ITGA9: variants seen among roughly 807,000 people sequenced by gnomAD.
ITGA9 encodes the protein integrin alpha-9.
Under a neutral mutation model 127.8 loss-of-function variants are expected in ITGA9, and 56 were observed. The observed-to-expected ratio is 0.44, with a 90% CI of 0.35 to 0.55. ITGA9 has a LOEUF of 0.55. Ranked by LOEUF, ITGA9 falls within the 20% of genes least tolerant of loss-of-function variation. ITGA9 has a pLI of 0.00. For synonymous variants in ITGA9, 508 were observed against 514.5 expected (o/e 0.99, Z 0.17); for missense variants, 1,196 against 1,347.1 (o/e 0.89, Z 1.76).
At chr3:37,694,959 C>G (rs985508393) in intron 18 of ITGA9, among the ~76,000 whole-genome samples, 4 of 152,102 alleles carry the variant, frequency 2.6e-5, no homozygotes, top group African/African-American at 9.7e-5. Flanking sequence ...GATGTGTTTC[C>G]GGGGGAAGAC....
chr3:37,615,823 C>G (rs1700068738), intron 15 of ITGA9, among the ~76,000 whole-genome samples: 1 of 151,826 alleles, frequency 6.6e-6, no homozygotes, highest in South Asian at 2.1e-4. Context: ...TCCCCTTTAT[C>G]ATTTTTTATT....
chr3:37,504,989 A>G (rs1428084513), intron 6 of ITGA9, among the ~76,000 whole-genome samples: 1 of 152,212 alleles, frequency 6.6e-6, no homozygotes, highest in Non-Finnish European at 1.5e-5. Flanking sequence ...GGAGACGTTG[A>G]GGCTAAGCCT....
chr3:37,784,353 C>CT (rs1697013594), intron 25 of ITGA9, among the ~76,000 whole-genome samples: 2 of 152,198 alleles, frequency 1.3e-5, no homozygotes, highest in Non-Finnish European at 2.9e-5. Context: ...CTGCCTCTGG[C>CT]TGGGGGGTGA....
chr3:37,482,375 A>T (rs1175245394), intron 4 of ITGA9, among the ~76,000 whole-genome samples: 1 of 152,218 alleles, frequency 6.6e-6, no homozygotes, highest in Non-Finnish European at 1.5e-5. Flanking sequence ...ATAGTGATTG[A>T]GTCAGTCACT....
intron 15 of ITGA9, among the ~76,000 whole-genome samples, chr3:37,619,978 CT>C (rs1700112020): frequency 6.6e-6 from 1 of 152,222 alleles, no homozygotes; most frequent in Non-Finnish European, 1.5e-5. Flanking sequence ...CTATTCCTCC[CT>C]GTGAAAGGGG....
chr3:37,779,788 T>A (rs966457110), intron 24 of ITGA9, 114 bp from the exon 25 acceptor site: 3 of 994,998 alleles, frequency 3.0e-6, no homozygotes, highest in Non-Finnish European at 4.7e-6. Flanking sequence ...GTGGATTTCC[T>A]CTGCCTGGAA....
chr3:37,765,355 T>C (rs1696768208), intron 23 of ITGA9, among the ~76,000 whole-genome samples: 1 of 152,166 alleles, frequency 6.6e-6, no homozygotes, highest in Non-Finnish European at 1.5e-5. Context: ...TTAGAGCAAA[T>C]TTAAACTCTA....
rs759937611 is a variant in ITGA9 at position 37,503,274 on chromosome 3, G to A, written c.709G>A (p.Glu237Lys). 9.3e-6 allele frequency: 15 copies of A among 1,613,992 alleles called. No homozygotes were observed. Among genetic ancestry groups the A allele is most frequent in the South Asian group, 3.3e-5 (3 of 91,080 alleles). The change falls in exon 6 of 28, where the codon GAA becomes AAA. Residue 237 changes from glutamate to lysine, a missense_variant. Coordinates refer to ENST00000264741, the MANE Select transcript of ITGA9 (RefSeq NM_002207.3). ...TDNTYLKLND[E>K]VIMNRRYTYL... ...CAACACCTATTTAAAACTGAACGAC[G>A]AAGTGATCATGAACAGGCGGTACAC...
intron 16 of ITGA9, among the ~76,000 whole-genome samples, 186 bp from the exon 17 acceptor site, chr3:37,653,528 T>C (rs1700448093): frequency 6.6e-6 from 1 of 152,130 alleles, no homozygotes; most frequent in Non-Finnish European, 1.5e-5. Context: ...ACAGTTGACT[T>C]AGGCTTCCTT....
At chr3:37,545,250 C>T (rs965098989) in intron 15 of ITGA9, among the ~76,000 whole-genome samples, 8 of 152,238 alleles carry the variant, frequency 5.3e-5, no homozygotes, top group Non-Finnish European at 1.0e-4. Flanking sequence ...TAAAAGCATT[C>T]TGGCTTATCA....
intron 17 of ITGA9, among the ~76,000 whole-genome samples, chr3:37,670,403 T>C (rs1164268447): frequency 6.6e-6 from 1 of 152,190 alleles, no homozygotes; most frequent in Non-Finnish European, 1.5e-5. Context: ...CACCTTCCCA[T>C]AGGACAGGTG....
rs1374683489 is a variant in ITGA9 at position 37,617,099 on chromosome 3, A to G, written c.1690-12088A>G. 3.3e-5 allele frequency among the ~76,000 whole-genome samples: 5 copies of G among 152,178 alleles called. 1 individual carries two copies. In the South Asian group the frequency reaches 1.0e-3, roughly 32 times the overall value. On this transcript the variant is annotated intron_variant, in intron 15 of 27. Coordinates refer to ENST00000264741, the MANE Select transcript of ITGA9 (RefSeq NM_002207.3). Reference sequence around the variant, plus strand: ...TTGGCATGTTTTTGCAGTGGCTGGTAATGGTTGTTCCTTTCCATGTTTAGT... The same window carrying G: ...TTGGCATGTTTTTGCAGTGGCTGGTGATGGTTGTTCCTTTCCATGTTTAGT...
At chr3:37,645,621 G>C (rs1700369759) in intron 16 of ITGA9, among the ~76,000 whole-genome samples, 1 of 152,106 alleles carries the variant, frequency 6.6e-6, no homozygotes, top group Admixed American at 6.5e-5. Flanking sequence ...TGCTCTTCTT[G>C]GTGTGGGATT....
At chr3:37,462,716 G>A (rs1025287563) in intron 1 of ITGA9, among the ~76,000 whole-genome samples, 3 of 152,182 alleles carry the variant, frequency 2.0e-5, no homozygotes, top group Admixed American at 6.5e-5. Flanking sequence ...GGGCTTCTTC[G>A]GAGGGCATTT....
Position 37,603,698 on chromosome 3 carries a change from A to AC in ITGA9, c.1690-25483dup, listed in dbSNP as rs1411059746. Among the ~76,000 whole-genome samples, 5 of 152,188 alleles carry AC rather than the reference A, an allele frequency of 3.3e-5. No homozygotes were observed. In the East Asian group the frequency reaches 5.8e-4, roughly 18 times the overall value. On this transcript the variant is annotated intron_variant, in intron 15 of 27. Coordinates refer to ENST00000264741, the MANE Select transcript of ITGA9 (RefSeq NM_002207.3). Reference sequence around the variant, plus strand: ...TGCTTCACCAAACACGTAGTGATGGACCCCCCTATACCCAGTGTGCCAGAC... The same window carrying AC: ...TGCTTCACCAAACACGTAGTGATGGACCCCCCCTATACCCAGTGTGCCAGAC...
At chr3:37,688,910 G>T (rs552110114) in intron 18 of ITGA9, among the ~76,000 whole-genome samples, 26 of 151,972 alleles carry the variant, frequency 1.7e-4, no homozygotes, top group African/African-American at 6.0e-4. Context: ...ATAGTTATGT[G>T]GATAGGTGAG....
At chr3:37,679,535 C>G (rs1387508336) in intron 17 of ITGA9, among the ~76,000 whole-genome samples, 3 of 152,088 alleles carry the variant, frequency 2.0e-5, no homozygotes, top group Non-Finnish European at 4.4e-5. Context: ...TGGGTGGGTT[C>G]CCCTTTCTGG....
intron 17 of ITGA9, among the ~76,000 whole-genome samples, chr3:37,681,102 C>T (rs570185280): frequency 6.6e-6 from 1 of 152,264 alleles, no homozygotes; most frequent in African/African-American, 2.4e-5. Flanking sequence ...ATTAGTATTT[C>T]AAAGTATTTT....
chr3:37,539,966 A>G (rs1215714624), intron 14 of ITGA9, among the ~76,000 whole-genome samples: 1 of 152,230 alleles, frequency 6.6e-6, no homozygotes, highest in Non-Finnish European at 1.5e-5. Flanking sequence ...TGCCAGGCAC[A>G]TGGACAGAGC....
Sources: allele counts gnomAD v4.1 joint callset (sites outside exome capture counted in the v4.1 genomes callset), GRCh38; gene constraint gnomAD v4.1.1; transcripts MANE v1.5; gene names NCBI Gene and HGNC (gene_info 2026-07-23, HGNC 2026-07-21).